The following GRIN2A variants were observed in gnomAD, a reference collection of about 807,000 sequenced individuals.
The protein encoded by GRIN2A is glutamate receptor ionotropic, NMDA 2A.
A neutral mutation model predicts 113.4 loss-of-function variants in GRIN2A; 22 were observed. The observed-to-expected ratio is 0.19, with a 90% CI of 0.14 to 0.28. The LOEUF is 0.28. Ranked by LOEUF, GRIN2A falls within the 10% of genes least tolerant of loss-of-function variation. The pLI is 1.00. For missense variants in GRIN2A, 1,502 were observed against 1,887.0 expected, an observed-to-expected ratio of 0.80 and a Z score of 3.78; for synonymous variants, 827 against 738.4, an observed-to-expected ratio of 1.12 and a Z score of -1.94.
chr16:10,123,501 C>T (rs575987713), intron 2 of GRIN2A, among the ~76,000 whole-genome samples: 143 of 152,278 alleles, frequency 9.4e-4, no homozygotes, highest in Non-Finnish European at 1.6e-3. Flanking sequence ...TCTAAGAACA[C>T]TGATGCTCTA....
intron 11 of GRIN2A, among the ~76,000 whole-genome samples, chr16:9,782,271 G>T (rs569707712): frequency 6.6e-6 from 1 of 152,010 alleles, no homozygotes; most frequent in Admixed American, 6.6e-5. Context: ...TATTGCATTA[G>T]GTATTATAAG....
At chr16:9,816,020 A>G (rs1356505674) in intron 10 of GRIN2A, among the ~76,000 whole-genome samples, 1 of 152,228 alleles carries the variant, frequency 6.6e-6, no homozygotes, top group Non-Finnish European at 1.5e-5. Context: ...AAAGACAAAT[A>G]CCGTATGATT....
At chr16:9,956,817 CAA>C (rs1450686615) in intron 2 of GRIN2A, among the ~76,000 whole-genome samples, 1 of 152,056 alleles carries the variant, frequency 6.6e-6, no homozygotes, top group Non-Finnish European at 1.5e-5. Context: ...GTTATCTAGG[CAA>C]AGAGGAGAGG....
In GRIN2A at chr16:9,763,167, A is replaced by G; in HGVS notation, c.4377T>C (p.Ser1459=). The G allele has an allele frequency of 6.2e-7, 1 of 1,613,926 alleles. No homozygotes were observed. The change falls in exon 13 of 13, where the codon AGT becomes AGC. Residue 1459 remains serine (S), a synonymous_variant. Transcript: ENST00000330684. ...SNRRVYKKMP[S]IESDV The stretch of plus-strand genomic sequence containing the variant: ...AAGATTTTTAAACATCAGATTCGAT[A>G]CTAGGCATTTTCTTGTACACGCGTC...
chr16:9,990,221 G>T (rs1311875180), intron 2 of GRIN2A, among the ~76,000 whole-genome samples: 1 of 152,142 alleles, frequency 6.6e-6, no homozygotes, highest in Non-Finnish European at 1.5e-5. Flanking sequence ...GTGAAATCAT[G>T]TCCTTTCCAG....
intron 2 of GRIN2A, among the ~76,000 whole-genome samples, chr16:10,048,752 TGG>T (rs748918788): frequency 3.7e-5 from 3 of 80,554 alleles, no homozygotes; most frequent in Non-Finnish European, 7.7e-5. Context: ...TGGCCTCCCT[TGG>T]GCTGGTGCCA....
At chr16:9,808,174 T>G (rs900882199) in intron 10 of GRIN2A, among the ~76,000 whole-genome samples, 1 of 152,240 alleles carries the variant, frequency 6.6e-6, no homozygotes, top group African/African-American at 2.4e-5. Flanking sequence ...TCTTGAACAT[T>G]TACTATGTGC....
At chr16:9,868,312 C>T (rs1280269333) in intron 4 of GRIN2A, among the ~76,000 whole-genome samples, 6 of 152,080 alleles carry the variant, frequency 3.9e-5, no homozygotes, top group African/African-American at 1.2e-4. Flanking sequence ...CTGTCTCCCA[C>T]GCTGGATGCA....
chr16:10,094,402 T>C (rs551158219), intron 2 of GRIN2A, among the ~76,000 whole-genome samples: 3 of 152,230 alleles, frequency 2.0e-5, no homozygotes, highest in Admixed American at 6.5e-5. Flanking sequence ...GGGGATTTTT[T>C]TAGAACTCTA....
chr16:10,086,520 G>A (rs939439755), intron 2 of GRIN2A, among the ~76,000 whole-genome samples: 4 of 146,618 alleles, frequency 2.7e-5, no homozygotes, highest in East Asian at 2.0e-4. Context: ...AGCAAATCCC[G>A]CCTTCTTCAC....
chr16:9,933,811 T>A (rs1233235386), intron 3 of GRIN2A, among the ~76,000 whole-genome samples: 1 of 152,220 alleles, frequency 6.6e-6, no homozygotes, highest in Non-Finnish European at 1.5e-5. Flanking sequence ...CAGAATATCA[T>A]CAATAAAATA....
intron 2 of GRIN2A, among the ~76,000 whole-genome samples, chr16:10,107,911 G>A (rs941893629): frequency 6.6e-6 from 1 of 152,220 alleles, no homozygotes; most frequent in African/African-American, 2.4e-5. Flanking sequence ...GCCTGCTACA[G>A]TGATGCTTAC....
At chr16:10,018,865 A>G (rs1423448331) in intron 2 of GRIN2A, among the ~76,000 whole-genome samples, 1 of 152,220 alleles carries the variant, frequency 6.6e-6, no homozygotes, top group Non-Finnish European at 1.5e-5. Context: ...AGAATGCCCC[A>G]GAGTTACAGC....
intron 2 of GRIN2A, among the ~76,000 whole-genome samples, chr16:10,018,198 A>T (rs1457545312): frequency 1.3e-5 from 2 of 152,220 alleles, no homozygotes; most frequent in Admixed American, 1.3e-4. Context: ...TTCGTTTAGG[A>T]GGCAAAGCAG....
At chr16:9,890,019 C>T (rs1240999388) in intron 4 of GRIN2A, among the ~76,000 whole-genome samples, 4 of 152,124 alleles carry the variant, frequency 2.6e-5, no homozygotes, top group South Asian at 2.1e-4. Flanking sequence ...GTCAATGCTT[C>T]TGTTTGTATA....
chr16:9,954,494 C>G (rs1305436763), intron 2 of GRIN2A, among the ~76,000 whole-genome samples: 1 of 152,138 alleles, frequency 6.6e-6, no homozygotes, highest in Non-Finnish European at 1.5e-5. Context: ...CAGAACAGAG[C>G]TTATTAAAAA....
At chr16:10,034,868 T>C (rs1350017871) in intron 2 of GRIN2A, among the ~76,000 whole-genome samples, 2 of 152,176 alleles carry the variant, frequency 1.3e-5, no homozygotes, top group African/African-American at 4.8e-5. Context: ...TCCTAATAGG[T>C]CAGCTAATTT....
Position 10,057,501 on chromosome 16 carries a change from G to A in GRIN2A, c.415-118950C>T, listed in dbSNP as rs545186931. Among the ~76,000 whole-genome samples the A allele has an allele frequency of 1.8e-4, 27 of 152,158 alleles. No homozygotes were observed. The South Asian group carries it at 3.1e-3, about 18-fold the overall frequency. ...AAGTAAATATATATTTATCAATTTT[G>A]TTGAATTCTATGAAGGAAAAAAATA... On this transcript the variant is annotated intron_variant, in intron 2 of 12. Coordinates refer to ENST00000330684, the MANE Select transcript of GRIN2A (RefSeq NM_001134407.3).
chr16:9,898,110 C>T (rs1262415990), intron 3 of GRIN2A, among the ~76,000 whole-genome samples: 2 of 141,696 alleles, frequency 1.4e-5, no homozygotes, highest in African/African-American at 2.6e-5. Flanking sequence ...TACAGACTAG[C>T]CATGACAGTT....
Sources: allele counts gnomAD v4.1 joint callset (sites outside exome capture counted in the v4.1 genomes callset), GRCh38; gene constraint gnomAD v4.1.1; transcripts MANE v1.5; gene names NCBI Gene and HGNC (gene_info 2026-07-23, HGNC 2026-07-21).